RFTN1: variants seen among roughly 807,000 people sequenced by gnomAD.
RFTN1 encodes the protein raftlin.
Under a neutral mutation model 46.5 loss-of-function variants are expected in RFTN1, and 26 were observed. The observed-to-expected ratio is 0.56, with a 90% confidence interval of 0.41 to 0.78. RFTN1 has a LOEUF of 0.78. RFTN1 is among the 30% of genes least tolerant of loss of function. RFTN1 has a pLI of 0.00. For synonymous variants in RFTN1, 261 were observed against 284.2 expected (o/e 0.92, Z 0.82); for missense variants, 693 against 718.7 (o/e 0.96, Z 0.41).
At position 16,338,193 on chromosome 3, in the gene RFTN1, G is replaced by C. The variant is rs998833770; in HGVS notation, c.1147-11317C>G. 3.3e-5 allele frequency among the ~76,000 whole-genome samples: 5 copies of C among 152,242 alleles called. No individual in the cohort carries two copies. The highest frequency in any genetic ancestry group is 1.2e-4 in the African/African-American group (5 of 41,462). On this transcript the variant is annotated intron_variant, in intron 7 of 9. Transcript: ENST00000334133. This position sits in a 1 kb window ranked among gnomAD's most constrained non-coding sequence, Gnocchi z 5.3. ...GGCAGAAAGAAGAAAGGGGCTACGG[G>C]ATGGAAGGGCAGGAGATGGCATGCA...
chr3:16,461,289 C>T (rs1322987526), intron 2 of RFTN1, among the ~76,000 whole-genome samples: 2 of 152,192 alleles, frequency 1.3e-5, no homozygotes, highest in Non-Finnish European at 2.9e-5. Flanking sequence ...AGCTGATCTC[C>T]TCAAATAGAC....
At chr3:16,471,961 A>T (rs1446413858) in intron 2 of RFTN1, 1 of 152,124 alleles carries the variant, frequency 6.6e-6, no homozygotes, top group Non-Finnish European at 1.5e-5. Context: ...ATTCACTCAC[A>T]CATAATCCTC....
rs537412054 is a variant in RFTN1 at position 16,387,860 on chromosome 3, T to G, written c.442-9758A>C. On this transcript the variant is annotated intron_variant, in intron 4 of 9. Coordinates refer to ENST00000334133, the MANE Select transcript of RFTN1 (RefSeq NM_015150.2). The surrounding 1 kb of genome is among the most constrained non-coding windows in gnomAD (Gnocchi z 5.2). ...TTAGCCCTCACCACCCCATCCTCTC[T>G]GGTAGCTCATGCATTCCCCTCCTCC... 6.6e-6 allele frequency among the ~76,000 whole-genome samples: 1 copy of G among 152,062 alleles called. No individual in the cohort carries two copies. The highest frequency in any genetic ancestry group is 1.9e-4 in the East Asian group (1 of 5,164).
intron 5 of RFTN1, among the ~76,000 whole-genome samples, chr3:16,372,337 C>A (rs914681856): frequency 2.0e-5 from 3 of 152,176 alleles, no homozygotes; most frequent in Admixed American, 2.0e-4. Context: ...GAAGGTGGGA[C>A]ATTTATCCCC....
intron 2 of RFTN1, among the ~76,000 whole-genome samples, chr3:16,477,235 T>A (rs1300551139): frequency 6.6e-6 from 1 of 152,214 alleles, no homozygotes; most frequent in Non-Finnish European, 1.5e-5. Flanking sequence ...TGCACCTATC[T>A]CATTTAAGGT....
intron 2 of RFTN1, among the ~76,000 whole-genome samples, chr3:16,488,242 G>A (rs950658994): frequency 6.6e-6 from 1 of 152,048 alleles, no homozygotes; most frequent in Non-Finnish European, 1.5e-5. Flanking sequence ...TGGGATTATA[G>A]GCATGTGCCA....
At chr3:16,340,361 T>C (rs1206363647) in intron 7 of RFTN1, among the ~76,000 whole-genome samples, 2 of 152,230 alleles carry the variant, frequency 1.3e-5, no homozygotes, top group Admixed American at 6.5e-5. Flanking sequence ...GTTAGCTTAC[T>C]GAATGTTAAG....
Position 16,431,985 on chromosome 3 carries a change from C to T in RFTN1, c.332+1866G>A, listed in dbSNP as rs191292091. ...GCTGCCATCCGTGTGACCTTGACAA[C>T]TCAACATTTGTGTCTCAGTTTTCTC... On this transcript the variant is annotated intron_variant, in intron 3 of 9. Coordinates refer to ENST00000334133, the MANE Select transcript of RFTN1 (RefSeq NM_015150.2). Among the ~76,000 whole-genome samples the T allele has an allele frequency of 5.9e-5, 9 of 152,300 alleles. No homozygotes were observed. In the East Asian group the frequency reaches 1.7e-3, roughly 29 times the overall value.
At chr3:16,493,529 A>C (rs1389835269) in intron 2 of RFTN1, among the ~76,000 whole-genome samples, 196 bp downstream of exon 2, 1 of 152,124 alleles carries the variant, frequency 6.6e-6, no homozygotes. Context: ...CACTGTGCCC[A>C]GACACTATTT....
rs1055490646 is a variant in RFTN1, at chr3:16,342,970, C to T, written c.1146+14962G>A. Among the ~76,000 whole-genome samples, 22 of 152,110 alleles carry T rather than the reference C, an allele frequency of 1.4e-4. No homozygotes were observed. The highest frequency in any genetic ancestry group is 3.9e-4 in the East Asian group (2 of 5,192). On this transcript the variant is annotated intron_variant, in intron 7 of 9. Coordinates refer to ENST00000334133, the MANE Select transcript of RFTN1 (RefSeq NM_015150.2). The surrounding 1 kb of genome is among the most constrained non-coding windows in gnomAD (Gnocchi z 4.0). ...GCCTCCCACTACAGCCCCTCTGAGT[C>T]GCTGGGAATACAGGCACACACCACC...
Position 16,451,727 on chromosome 3 carries a change from G to T in RFTN1, c.146-17690C>A, listed in dbSNP as rs1238425611. 6.6e-6 allele frequency among the ~76,000 whole-genome samples: 1 copy of T among 152,122 alleles called. No individual in the cohort carries two copies. The highest frequency in any genetic ancestry group is 2.4e-5 in the African/African-American group (1 of 41,412). Reference sequence around the variant, plus strand: ...CTGAGGTGTGACAGCAAAACTACTAGCGTGATTTTTTTTTCCTTCCTCACA... The same window carrying T: ...CTGAGGTGTGACAGCAAAACTACTATCGTGATTTTTTTTTCCTTCCTCACA... On this transcript the variant is annotated intron_variant, in intron 2 of 9. Coordinates refer to ENST00000334133, the MANE Select transcript of RFTN1 (RefSeq NM_015150.2). The surrounding 1 kb of genome is among the most constrained non-coding windows in gnomAD (Gnocchi z 4.2).
chr3:16,460,179 A>G lies in RFTN1; in HGVS notation c.146-26142T>C, dbSNP rs2075983038. The stretch of plus-strand genomic sequence containing the variant: ...AGATTATTCTGGCCCTGCAAAACAC[A>G]GAAGTGTCTCAATTTCTCTTTTTCC... On this transcript the variant is annotated intron_variant, in intron 2 of 9. Transcript: ENST00000334133. The surrounding 1 kb of genome is among the most constrained non-coding windows in gnomAD (Gnocchi z 4.8). Among the ~76,000 whole-genome samples the G allele has an allele frequency of 6.6e-6, 1 of 152,196 alleles. No individual in the cohort carries two copies. The highest frequency in any genetic ancestry group is 6.5e-5 in the Admixed American group (1 of 15,278).
In RFTN1 at chr3:16,316,846, A is replaced by G; in HGVS notation, c.1719T>C (p.Gly573=). ...CCAAGACTCAGTTTTCTTCAACCGTACCAAGCTCTCTGACTTCCTCAGCAT... is the reference window on the plus strand; with the variant it reads ...CCAAGACTCAGTTTTCTTCAACCGTGCCAAGCTCTCTGACTTCCTCAGCAT... ...DGDAEEVREL[G]TVEEN The change falls in exon 10 of 10, where the codon GGT becomes GGC. Residue 573 remains glycine (G), a synonymous_variant. Coordinates refer to ENST00000334133, the MANE Select transcript of RFTN1 (RefSeq NM_015150.2). The surrounding 1 kb of genome is among the most constrained non-coding windows in gnomAD (Gnocchi z 4.5). 6.2e-7 allele frequency: 1 copy of G among 1,614,078 alleles called. No homozygotes were observed. The highest frequency in any genetic ancestry group is 8.5e-7 in the Non-Finnish European group (1 of 1,180,012).
rs958404776 is a variant in RFTN1, at chr3:16,424,745, G to T, written c.332+9106C>A. On this transcript the variant is annotated intron_variant, in intron 3 of 9. Coordinates refer to ENST00000334133, the MANE Select transcript of RFTN1 (RefSeq NM_015150.2). This position sits in a 1 kb window ranked among gnomAD's most constrained non-coding sequence, Gnocchi z 4.7. Reference sequence around the variant, plus strand: ...TCAATCATTTAAAATATAAAATTTGGACAGATTTTAGAGACAATCATTATA... The same window carrying T: ...TCAATCATTTAAAATATAAAATTTGTACAGATTTTAGAGACAATCATTATA... Among the ~76,000 whole-genome samples, 1 of 151,790 alleles carries T rather than the reference G, an allele frequency of 6.6e-6. No homozygotes were observed. Among genetic ancestry groups the T allele is most frequent in the Admixed American group, 6.6e-5 (1 of 15,220 alleles).
rs1470809232 is a variant in RFTN1 at position 16,438,822 on chromosome 3, G to A, written c.146-4785C>T. Among the ~76,000 whole-genome samples, 11 of 152,102 alleles carry A rather than the reference G, an allele frequency of 7.2e-5. No individual in the cohort carries two copies. In the South Asian group the frequency reaches 1.5e-3, roughly 20 times the overall value. ...GGCGGTGGCACTGGCTGTGGTGAAT[G>A]GGAGGACTGGTCACCCCGGGATGGT... On this transcript the variant is annotated intron_variant, in intron 2 of 9. Transcript: ENST00000334133.
chr3:16,487,494 C>T (rs55977257), intron 2 of RFTN1, among the ~76,000 whole-genome samples: 16,810 of 152,270 alleles, frequency 0.11, 1,222 homozygotes, highest in South Asian at 0.18. Flanking sequence ...CCACACATGG[C>T]TACTGAGCAC....
rs1465746716 is a variant in RFTN1 at position 16,383,054 on chromosome 3, G to A, written c.442-4952C>T. ...AAGAACTTTCACATGCATTCCCTTA[G>A]GCCTCAAAATCATACCTTACAGAAG... On this transcript the variant is annotated intron_variant, in intron 4 of 9. Coordinates refer to ENST00000334133, the MANE Select transcript of RFTN1 (RefSeq NM_015150.2). This position sits in a 1 kb window ranked among gnomAD's most constrained non-coding sequence, Gnocchi z 4.0. 6.6e-6 allele frequency among the ~76,000 whole-genome samples: 1 copy of A among 152,132 alleles called. No individual in the cohort carries two copies. The highest frequency in any genetic ancestry group is 1.5e-5 in the Non-Finnish European group (1 of 68,042).
intron 6 of RFTN1, among the ~76,000 whole-genome samples, chr3:16,369,015 C>A (rs1360533159): frequency 6.6e-6 from 1 of 152,210 alleles, no homozygotes; most frequent in East Asian, 1.9e-4. Flanking sequence ...CTACACTATA[C>A]AATGCCTGCT....
chr3:16,418,459 A>G lies in RFTN1; in HGVS notation c.333-8976T>C, dbSNP rs567582943. Among the ~76,000 whole-genome samples the G allele has an allele frequency of 1.8e-4, 27 of 152,288 alleles. No individual in the cohort carries two copies. In the East Asian group the frequency reaches 5.0e-3, roughly 28 times the overall value. ...GTTATGAAAAGGAGAGAGAATGTGC[A>G]GTTCATCAGTAGGGTTATTTTTGCT... is the stretch of plus-strand genomic sequence containing the variant. On this transcript the variant is annotated intron_variant, in intron 3 of 9. Transcript: ENST00000334133. This position sits in a 1 kb window ranked among gnomAD's most constrained non-coding sequence, Gnocchi z 5.0.
Sources: allele counts gnomAD v4.1 joint callset (sites outside exome capture counted in the v4.1 genomes callset), GRCh38; gene constraint gnomAD v4.1.1; non-coding constraint Gnocchi (gnomAD v3.1); transcripts MANE v1.5; gene names NCBI Gene and HGNC (gene_info 2026-07-23, HGNC 2026-07-21).